Variants in BAZ2B observed in about 807,000 individuals in gnomAD.
The protein encoded by BAZ2B is bromodomain adjacent to zinc finger domain 2B, also known as bromodomain adjacent to zinc finger domain protein 2B.
BAZ2B carries 91 observed loss-of-function variants against 246.0 expected under a neutral mutation model. The ratio of observed to expected loss-of-function variants is 0.37; its 90% CI spans 0.31 to 0.44. BAZ2B has a LOEUF of 0.44. Ranked by LOEUF, BAZ2B falls within the 20% of genes least tolerant of loss-of-function variation. BAZ2B has a pLI of 1.00. For missense variants in BAZ2B, 2,332 were observed against 2,533.7 expected (o/e 0.92, Z 1.71); for synonymous variants, 855 against 860.0 (o/e 0.99, Z 0.10).
the BAZ2B span, among the ~76,000 whole-genome samples, chr2:159,629,707 G>A: frequency 6.6e-6 from 1 of 152,138 alleles, no homozygotes; most frequent in African/African-American, 2.4e-5. Flanking sequence ...ATAGCATTAG[G>A]AGAAATACCT....
the BAZ2B span, among the ~76,000 whole-genome samples, chr2:159,627,444 G>A: frequency 6.6e-6 from 1 of 151,782 alleles, no homozygotes; most frequent in African/African-American, 2.4e-5. Context: ...ACCAAATCCA[G>A]CAGCACATCA....
intron 2 of BAZ2B, among the ~76,000 whole-genome samples, chr2:159,499,067 G>T (rs1451265032): frequency 6.6e-6 from 1 of 151,882 alleles, no homozygotes; most frequent in Non-Finnish European, 1.5e-5. Flanking sequence ...GTGCAGGTTT[G>T]TTATACAGGT....
chr2:159,545,285 G>A (rs575595512), intron 2 of BAZ2B, among the ~76,000 whole-genome samples: 7 of 152,198 alleles, frequency 4.6e-5, no homozygotes, highest in Non-Finnish European at 7.4e-5. Flanking sequence ...GCAATGTCTT[G>A]TTCCCTGAAG....
At chr2:159,337,357 T>C in intron 32 of BAZ2B, 3 of 1,281,152 alleles carry the variant, frequency 2.3e-6, no homozygotes, top group Non-Finnish European at 3.2e-6. Context: ...ATGATCCGTA[T>C]GGATCACAGA....
chr2:159,677,282 CT>C, the BAZ2B span, among the ~76,000 whole-genome samples: 1 of 151,804 alleles, frequency 6.6e-6, no homozygotes, highest in East Asian at 1.9e-4. Flanking sequence ...AAGCCTTGTC[CT>C]TTTCCAATAT....
chr2:159,659,048 G>C, the BAZ2B span, among the ~76,000 whole-genome samples: 1 of 152,166 alleles, frequency 6.6e-6, no homozygotes, highest in Non-Finnish European at 1.5e-5. Context: ...TTGGGTACTA[G>C]AATAATTCCA....
chr2:159,666,593 G>A, the BAZ2B span, among the ~76,000 whole-genome samples: 1 of 152,030 alleles, frequency 6.6e-6, no homozygotes, highest in African/African-American at 2.4e-5. Flanking sequence ...GAACAGGCCA[G>A]GCATGGTAAT....
rs1439519479 is a variant in BAZ2B, at chr2:159,448,383, C to G, written c.361G>C (p.Ala121Pro). The G allele has an allele frequency of 1.3e-6, 2 of 1,596,958 alleles. No homozygotes were observed. Among genetic ancestry groups the G allele is most frequent in the Non-Finnish European group, 1.7e-6 (2 of 1,175,430 alleles). ...PGAEWWRTTD[A>P]HTRTGATFFP... ...AAGGTTGCTCCTGTACGAGTATGAG[C>G]ATCAGTTGTTCGCCACCATTCTGCA... is the stretch of plus-strand genomic sequence containing the variant. The change falls in exon 5 of 37, where the codon GCT becomes CCT. Residue 121 changes from alanine to proline, a missense_variant. This residue lies in a region of BAZ2B where 242 missense variants were observed against 237.4 expected (regional missense o/e 1.02). Coordinates refer to ENST00000392783, the MANE Select transcript of BAZ2B (RefSeq NM_013450.4).
At chr2:159,696,411 G>C in the BAZ2B span, among the ~76,000 whole-genome samples, 2 of 152,064 alleles carry the variant, frequency 1.3e-5, no homozygotes, top group African/African-American at 4.8e-5. Context: ...TAACTGTTTA[G>C]TTTTCAGAGG....
chr2:159,665,986 T>G, the BAZ2B span, among the ~76,000 whole-genome samples: 1 of 150,980 alleles, frequency 6.6e-6, no homozygotes, highest in African/African-American at 2.4e-5. Context: ...CATATTTTCA[T>G]GTGGTTATTT....
intron 1 of BAZ2B, among the ~76,000 whole-genome samples, chr2:159,568,309 G>T (rs1427730551): frequency 6.6e-6 from 1 of 152,022 alleles, no homozygotes; most frequent in African/African-American, 2.4e-5. Flanking sequence ...TCAGAAAAAG[G>T]TAGATATTAA....
the BAZ2B span, among the ~76,000 whole-genome samples, chr2:159,708,729 T>C: frequency 6.6e-6 from 1 of 152,044 alleles, no homozygotes; most frequent in Non-Finnish European, 1.5e-5. Flanking sequence ...CATGCACCAA[T>C]GCACAGGGCT....
the BAZ2B span, among the ~76,000 whole-genome samples, chr2:159,648,992 T>C: frequency 0.042 from 6,331 of 152,270 alleles, 423 homozygotes; most frequent in African/African-American, 0.14. Flanking sequence ...GGGGGTAGTT[T>C]GTTTTTTAAA....
At chr2:159,412,203 C>A in intron 14 of BAZ2B, 132 bp downstream of exon 14, 1 of 1,001,512 alleles carries the variant, frequency 1.0e-6, no homozygotes. Context: ...CTTATTTTTT[C>A]ATTTTATTCT....
intron 2 of BAZ2B, among the ~76,000 whole-genome samples, chr2:159,489,915 A>G (rs774454122): frequency 2.0e-5 from 3 of 152,172 alleles, no homozygotes; most frequent in Non-Finnish European, 4.4e-5. Flanking sequence ...TGTCTCAAAA[A>G]AGTTAGAAAA....
At chr2:159,685,741 T>G in the BAZ2B span, among the ~76,000 whole-genome samples, 3 of 152,016 alleles carry the variant, frequency 2.0e-5, no homozygotes, top group Non-Finnish European at 4.4e-5. Context: ...TACACTATAA[T>G]GCAAAGAATA....
At chr2:159,549,910 G>A (rs2087927726) in intron 2 of BAZ2B, among the ~76,000 whole-genome samples, 2 of 146,768 alleles carry the variant, frequency 1.4e-5, no homozygotes, top group South Asian at 4.3e-4. Flanking sequence ...TGCAACCTCC[G>A]CCTCCCGAGT....
chr2:159,681,878 T>C, the BAZ2B span, among the ~76,000 whole-genome samples: 3 of 151,998 alleles, frequency 2.0e-5, no homozygotes, highest in Non-Finnish European at 4.4e-5. Flanking sequence ...TGAGCTGAGA[T>C]CACGCCACTG....
chr2:159,538,441 T>A (rs2086275744), intron 2 of BAZ2B, among the ~76,000 whole-genome samples: 1 of 152,234 alleles, frequency 6.6e-6, no homozygotes, highest in South Asian at 2.1e-4. Flanking sequence ...TGACTAGATT[T>A]AACTTTCTAA....
Sources: gnomAD v4.1 joint callset for allele counts (sites outside exome capture counted in the v4.1 genomes callset) on GRCh38, gnomAD v4.1.1 for gene constraint, gnomAD v4.1.1 regional missense constraint, MANE v1.5 for transcripts, NCBI Gene and HGNC (gene_info 2026-07-23, HGNC 2026-07-21) for gene names.